ATP1A3: variants seen among roughly 807,000 people sequenced by gnomAD.
ATP1A3 encodes the protein sodium/potassium-transporting ATPase subunit alpha-3.
In ATP1A3, 12 loss-of-function variants were observed where a neutral mutation model predicts 108.8. The ratio of observed to expected loss-of-function variants is 0.11; its 90% confidence interval spans 0.07 to 0.18. The LOEUF (loss-of-function observed/expected upper bound fraction) is 0.18, where lower values mean the gene tolerates loss of function less well. Among genes scored for constraint, ATP1A3 ranks in the 10% least tolerant of loss-of-function variants. The pLI is 1.00. For missense variants in ATP1A3, 498 were observed against 1,387.7 expected, an observed-to-expected ratio of 0.36 and a Z score of 10.19; for synonymous variants, 539 against 564.5, an observed-to-expected ratio of 0.95 and a Z score of 0.64.
At chr19:41,989,336 T>C (rs1304353194) in intron 1 of ATP1A3, among the ~76,000 whole-genome samples, 6 of 149,634 alleles carry the variant, frequency 4.0e-5, no homozygotes, top group African/African-American at 1.5e-4. Context: ...TTTTTTTTTT[T>C]GAGACGGAGT....
chr19:41,977,564 G>T (rs1337347266), intron 14 of ATP1A3, among the ~76,000 whole-genome samples: 6 of 151,980 alleles, frequency 3.9e-5, no homozygotes, highest in Non-Finnish European at 8.8e-5. Context: ...GCGGGGCATG[G>T]TGGAGGGCCC....
intron 16 of ATP1A3, among the ~76,000 whole-genome samples, chr19:41,972,233 G>C (rs2075117401): frequency 6.6e-6 from 1 of 152,036 alleles, no homozygotes; most frequent in Non-Finnish European, 1.5e-5. Flanking sequence ...CTGGGCAACA[G>C]AGCAAGACTC....
At chr19:41,976,754 G>C (rs1023921951) in intron 14 of ATP1A3, among the ~76,000 whole-genome samples, 188 bp from the exon 15 acceptor site, 12 of 152,130 alleles carry the variant, frequency 7.9e-5, no homozygotes, top group African/African-American at 2.9e-4. Flanking sequence ...CGTGCGGGCA[G>C]ACCTGAGGAA....
chr19:41,971,048 T>C (rs1280492254), intron 16 of ATP1A3, among the ~76,000 whole-genome samples: 11 of 151,120 alleles, frequency 7.3e-5, no homozygotes, highest in Non-Finnish European at 2.9e-5. Context: ...CACTGCAACC[T>C]CGACTCCCAG....
chr19:41,975,513 C>A, intron 16 of ATP1A3, 116 bp downstream of exon 16: 2 of 1,458,452 alleles, frequency 1.4e-6, no homozygotes, highest in South Asian at 1.2e-5. Context: ...TCCTCCAGGG[C>A]CAGGGGGCCT....
At chr19:41,993,705 G>A (rs2075361980) in intron 1 of ATP1A3, 1 of 602,054 alleles carries the variant, frequency 1.7e-6, no homozygotes, top group Non-Finnish European at 2.9e-6. Flanking sequence ...ACCCAGACGC[G>A]ATCGCAGACT....
intron 16 of ATP1A3, among the ~76,000 whole-genome samples, chr19:41,974,850 ACCCAG>A (rs2075148882): frequency 6.6e-6 from 1 of 152,098 alleles, no homozygotes; most frequent in South Asian, 2.1e-4. Flanking sequence ...CCAGCCTCAG[ACCCAG>A]CCCCTCACAC....
chr19:41,986,326 TG>T (rs2075286178), intron 4 of ATP1A3, 97 bp from the exon 5 acceptor site: 2 of 1,185,804 alleles, frequency 1.7e-6, no homozygotes, highest in Non-Finnish European at 2.4e-6. Context: ...TTTGTGTCAG[TG>T]GGGGTCTGTA....
At chr19:41,991,124 G>A (rs73051442) in intron 1 of ATP1A3, among the ~76,000 whole-genome samples, 1,775 of 152,258 alleles carry the variant, frequency 0.012, 31 homozygotes, top group Non-Finnish European at 0.015. Flanking sequence ...TCCGAGGCTG[G>A]TGGGAGGGGT....
chr19:41,970,995 C>CACTCT (rs2075102064), intron 16 of ATP1A3, among the ~76,000 whole-genome samples: 1 of 151,600 alleles, frequency 6.6e-6, no homozygotes, highest in Non-Finnish European at 1.5e-5. Flanking sequence ...GACAGGGTCT[C>CACTCT]ACTCTGTTGC....
At position 41,968,376 on chromosome 19, in the gene ATP1A3, G is replaced by T. The variant is rs2075067147; in HGVS notation, c.2819+409C>A. ...TACGAAAAATTAGCCGAGCCTGGTG[G>T]TGCGTACCTGTAATCCCAGCTACTT... On this transcript the variant is annotated intron_variant, in intron 20 of 22. Transcript: ENST00000648268. The surrounding 1 kb of genome is among the most constrained non-coding windows in gnomAD (Gnocchi z 5.0). 6.6e-6 allele frequency among the ~76,000 whole-genome samples: 1 copy of T among 152,134 alleles called. No individual in the cohort carries two copies. Among genetic ancestry groups the T allele is most frequent in the South Asian group, 2.1e-4 (1 of 4,822 alleles).
intron 19 of ATP1A3, 131 bp downstream of exon 19, chr19:41,969,304 T>G: frequency 2.0e-6 from 3 of 1,477,982 alleles, no homozygotes; most frequent in Non-Finnish European, 2.8e-6. Context: ...AAGCCCCAGG[T>G]GCCCAGCAAA....
chr19:41,978,299 T>C lies in ATP1A3; in HGVS notation c.1658A>G (p.Glu553Gly). The part of the protein sequence containing the change: ...LGFCHYYLPE[E>G]QFPKGFAFDC... Reference sequence around the variant, plus strand: ...GAAGGCAAAGCCCTTGGGGAACTGCTCCTCGGGCAGGTAATAATGGCAGAA... The same window carrying C: ...GAAGGCAAAGCCCTTGGGGAACTGCCCCTCGGGCAGGTAATAATGGCAGAA... Residue 553 changes from glutamate (E) to glycine (G), a missense_variant, in exon 13 of 23, where the codon GAG (glutamate) becomes GGG (glycine). Transcript: ENST00000648268. The surrounding 1 kb of genome is among the most constrained non-coding windows in gnomAD (Gnocchi z 8.3). 1 of 1,608,314 alleles carries C rather than the reference T, an allele frequency of 6.2e-7. No homozygotes were observed. Among genetic ancestry groups the C allele is most frequent in the Non-Finnish European group, 8.5e-7 (1 of 1,177,608 alleles).
At chr19:41,970,331 G>A in intron 17 of ATP1A3, 23 bp from the exon 18 acceptor site, 1 of 1,614,022 alleles carries the variant, frequency 6.2e-7, no homozygotes, top group South Asian at 1.1e-5. Flanking sequence ...GGCCGGGTGA[G>A]CCGGAGAGGG....
rs116420327 is a variant in ATP1A3 at position 41,982,401 on chromosome 19, G to A, written c.994-295C>T. Among the ~76,000 whole-genome samples, 2,939 of 152,246 alleles carry A rather than the reference G, an allele frequency of 0.019. 88 individuals are homozygous for A. Among genetic ancestry groups the A allele is most frequent in the African/African-American group, 0.068 (2,813 of 41,534 alleles). On this transcript the variant is annotated intron_variant, in intron 8 of 22. Coordinates refer to ENST00000648268, the MANE Select transcript of ATP1A3 (RefSeq NM_152296.5). ...AGCACTTTGGGAGGCCGAGGTAGGC[G>A]CATCACTTGAGATCAGGAGTTCGAG...
chr19:41,993,865 A>G, intron 1 of ATP1A3: 1 of 932,962 alleles, frequency 1.1e-6, no homozygotes, highest in Non-Finnish European at 1.6e-6. Context: ...TCCGCACACA[A>G]AGCCATGCCA....
chr19:41,988,852 G>A lies in ATP1A3; in HGVS notation c.7-290C>T, dbSNP rs1476583384. Among the ~76,000 whole-genome samples, 2 of 152,082 alleles carry A rather than the reference G, an allele frequency of 1.3e-5. No individual in the cohort carries two copies. Among genetic ancestry groups the A allele is most frequent in the Non-Finnish European group, 2.9e-5 (2 of 68,024 alleles). ...TGTCTCTGAGTCTCTGTCCCCGAAG[G>A]TCCCTGTCTGGCTTCTGCCTGTGTT... On this transcript the variant is annotated intron_variant, in intron 1 of 22. Transcript: ENST00000648268. This position sits in a 1 kb window ranked among gnomAD's most constrained non-coding sequence, Gnocchi z 5.3.
At position 41,967,065 on chromosome 19, in the gene ATP1A3, A is replaced by G; in HGVS notation, c.3014-100T>C. 6.4e-7 allele frequency: 1 copy of G among 1,551,722 alleles called. No individual in the cohort carries two copies. The highest frequency in any genetic ancestry group is 1.7e-4 in the Middle Eastern group (1 of 5,988). ...GAGAGAGGGACAGAGAGGGAGAGAG[A>G]CAAGGAAACCACACAGACAGAGACC... On this transcript the variant is annotated intron_variant, in intron 22 of 22. Coordinates refer to ENST00000648268, the MANE Select transcript of ATP1A3 (RefSeq NM_152296.5). The surrounding 1 kb of genome is among the most constrained non-coding windows in gnomAD (Gnocchi z 4.2).
At chr19:41,993,819 G>A in intron 1 of ATP1A3, 1 of 668,252 alleles carries the variant, frequency 1.5e-6, no homozygotes, top group Non-Finnish European at 2.5e-6. Flanking sequence ...AAGGTCAGGC[G>A]GAGATGCTGA....
Sources: allele counts gnomAD v4.1 joint callset (sites outside exome capture counted in the v4.1 genomes callset), GRCh38; gene constraint gnomAD v4.1.1; non-coding constraint Gnocchi (gnomAD v3.1); transcripts MANE v1.5; gene names NCBI Gene and HGNC (gene_info 2026-07-23, HGNC 2026-07-21).